Variants in LRCH2 observed in about 807,000 individuals in gnomAD.
LRCH2 encodes leucine-rich repeat and calponin homology domain-containing protein 2.
A neutral mutation model predicts 68.9 loss-of-function variants in LRCH2; 38 were observed. That is an observed-to-expected ratio of 0.55 (90% confidence interval 0.43 to 0.72). The LOEUF is 0.72. LRCH2 is among the 30% of genes least tolerant of loss of function. The pLI is 0.00. For missense variants in LRCH2, 528 were observed against 572.9 expected, an observed-to-expected ratio of 0.92 and a Z score of 0.80; for synonymous variants, 191 against 208.1, an observed-to-expected ratio of 0.92 and a Z score of 0.71.
intron 20 of LRCH2, among the ~76,000 whole-genome samples, chrX:115,122,279 G>T (rs2072150766): frequency 9.1e-6 from 1 of 109,757 alleles, no homozygotes; most frequent in African/African-American, 3.3e-5. Context: ...TGGCCACCGA[G>T]TTATGTTTGG....
chrX:115,231,424 A>G (rs1445967739), intron 1 of LRCH2, among the ~76,000 whole-genome samples: 1 of 111,701 alleles, frequency 9.0e-6, no homozygotes, highest in Admixed American at 9.6e-5. Context: ...GTCTCTCTAC[A>G]TTAAAAAATA....
chrX:115,174,698 T>C (rs1354993966), intron 5 of LRCH2, among the ~76,000 whole-genome samples: 3 of 110,208 alleles, frequency 2.7e-5, no homozygotes, highest in East Asian at 5.7e-4. Context: ...AATGTTGCAA[T>C]GAACATGGGA....
chrX:115,175,256 C>T (rs782282827), intron 5 of LRCH2, among the ~76,000 whole-genome samples: 1 of 111,360 alleles, frequency 9.0e-6, no homozygotes, highest in Admixed American at 9.5e-5. Context: ...CCTCCTCATT[C>T]TCACTAGAGG....
intron 1 of LRCH2, among the ~76,000 whole-genome samples, chrX:115,230,714 T>C (rs1425228599): frequency 1.8e-5 from 2 of 112,109 alleles, no homozygotes; most frequent in African/African-American, 6.5e-5. Context: ...GAGTATTTAG[T>C]TCCTAGTTTT....
chrX:115,115,625 T>C (rs1265530322), intron 20 of LRCH2, among the ~76,000 whole-genome samples: 2 of 110,805 alleles, frequency 1.8e-5, no homozygotes, highest in Non-Finnish European at 3.8e-5. Flanking sequence ...GTGTAAATCT[T>C]TGTGACCCTG....
intron 3 of LRCH2, among the ~76,000 whole-genome samples, chrX:115,181,050 A>C (rs1465300050): frequency 8.9e-6 from 1 of 111,794 alleles, no homozygotes; most frequent in Non-Finnish European, 1.9e-5. Context: ...GATATTGAGC[A>C]GTACTGTCAG....
chrX:115,191,705 G>T lies in LRCH2; in HGVS notation c.350-3335C>A, dbSNP rs782216693. ...TCACTCGATGCCAACAGCAGTGGCCGCTTGCCTGACGCCTACAGTGGGGGC... is the reference window on the plus strand; with the variant it reads ...TCACTCGATGCCAACAGCAGTGGCCTCTTGCCTGACGCCTACAGTGGGGGC... On this transcript the variant is annotated intron_variant, in intron 1 of 20. Transcript: ENST00000317135. 6 of 1,161,385 alleles carry T rather than the reference G, an allele frequency of 5.2e-6. No individual in the cohort carries two copies. Among genetic ancestry groups the T allele is most frequent in the Admixed American group, 2.6e-5 (1 of 37,983 alleles).
At chrX:115,199,889 G>A (rs1556565490) in intron 1 of LRCH2, among the ~76,000 whole-genome samples, 2 of 112,109 alleles carry the variant, frequency 1.8e-5, no homozygotes, top group African/African-American at 6.5e-5. Context: ...GATAAACCAC[G>A]TTAGGCCATA....
intron 1 of LRCH2, among the ~76,000 whole-genome samples, chrX:115,203,424 T>C (rs1556566910): frequency 8.9e-6 from 1 of 112,330 alleles, no homozygotes; most frequent in African/African-American, 3.2e-5. Context: ...TCCCCAAATG[T>C]CTTAACTAAT....
At chrX:115,121,753 G>A (rs1556526122) in intron 20 of LRCH2, among the ~76,000 whole-genome samples, 1 of 112,210 alleles carries the variant, frequency 8.9e-6, no homozygotes, top group East Asian at 2.8e-4. Flanking sequence ...CAACAATTCA[G>A]ATTCTCTACA....
chrX:115,140,400 T>C (rs1394468152), intron 14 of LRCH2, among the ~76,000 whole-genome samples: 1 of 110,462 alleles, frequency 9.1e-6, no homozygotes, highest in African/African-American at 3.3e-5. Context: ...GAGACTGAGA[T>C]GTGCTGGCGT....
chrX:115,183,070 GCACA>G (rs782061488), intron 3 of LRCH2, among the ~76,000 whole-genome samples: 7 of 106,242 alleles, frequency 6.6e-5, no homozygotes, highest in Middle Eastern at 5.0e-3. Context: ...GCACGCACAC[GCACA>G]CACACACACA....
chrX:115,221,960 C>A (rs927166181), intron 1 of LRCH2, among the ~76,000 whole-genome samples: 26 of 107,553 alleles, frequency 2.4e-4, no homozygotes, highest in African/African-American at 8.8e-4. Context: ...AAAAGAAAAA[C>A]CCTGAGGCAT....
chrX:115,112,881 TA>T lies in LRCH2; in HGVS notation c.*334del. 7.8e-6 allele frequency: 1 copy of T among 128,467 alleles called. No homozygotes were observed. Among genetic ancestry groups the T allele is most frequent in the Non-Finnish European group, 1.6e-5 (1 of 63,398 alleles). 10.6% of individuals were successfully genotyped at this position (128,467 alleles called of 1,213,427 possible). A position where few individuals can be genotyped will look rare whatever the true frequency, so the allele number is the denominator to read the frequency against. The stretch of plus-strand genomic sequence containing the variant: ...AGATGTTTACTAATATGCTATGATG[TA>T]AAAAAATTAAACCTAATGTGATTAT... On this transcript the variant is annotated 3_prime_UTR_variant, in exon 21 of 21. Coordinates refer to ENST00000317135, the MANE Select transcript of LRCH2 (RefSeq NM_020871.4).
intron 14 of LRCH2, among the ~76,000 whole-genome samples, chrX:115,145,079 T>A (rs782424993): frequency 9.0e-6 from 1 of 111,686 alleles, no homozygotes; most frequent in Admixed American, 9.6e-5. Context: ...AACATCATGG[T>A]ACTTGCATAA....
At chrX:115,228,596 T>C (rs2073134279) in intron 1 of LRCH2, among the ~76,000 whole-genome samples, 1 of 111,940 alleles carries the variant, frequency 8.9e-6, no homozygotes, top group African/African-American at 3.2e-5. Flanking sequence ...TAAGTGTCCC[T>C]AGCATTACTT....
intron 5 of LRCH2, 121 bp downstream of exon 5, chrX:115,179,306 G>A: frequency 1.8e-6 from 1 of 569,994 alleles, no homozygotes; most frequent in Non-Finnish European, 2.5e-6. Flanking sequence ...AAAAACTTTA[G>A]ACAACAGTGC....
Position 115,191,197 on chromosome X carries a change from G to A in LRCH2, c.350-2827C>T, listed in dbSNP as rs782358096. 6.1e-5 allele frequency: 71 copies of A among 1,157,674 alleles called. 1 individual carries two copies. In the East Asian group the frequency reaches 7.0e-4, roughly 11 times the overall value. ...CAGTTCCAGCCAGAGCAACCGCTAC[G>A]GAGGAGGAGGCTGCTACGAGGAGTA... is the stretch of plus-strand genomic sequence containing the variant. On this transcript the variant is annotated intron_variant, in intron 1 of 20. Coordinates refer to ENST00000317135, the MANE Select transcript of LRCH2 (RefSeq NM_020871.4).
At chrX:115,224,552 C>T (rs2073106115) in intron 1 of LRCH2, among the ~76,000 whole-genome samples, 1 of 109,158 alleles carries the variant, frequency 9.2e-6, no homozygotes, top group Non-Finnish European at 1.9e-5. Flanking sequence ...TGCATGGTAG[C>T]ACACCCCTGT....
Sources: allele counts gnomAD v4.1 joint callset (sites outside exome capture counted in the v4.1 genomes callset), GRCh38; gene constraint gnomAD v4.1.1; transcripts MANE v1.5; gene names NCBI Gene and HGNC (gene_info 2026-07-23, HGNC 2026-07-21).